Variants in CREB5 observed in about 807,000 individuals in gnomAD.
CREB5 encodes cAMP responsive element binding protein 5.
Under a neutral mutation model 57.1 loss-of-function variants are expected in CREB5, and 19 were observed. The observed-to-expected ratio is 0.33, with a 90% CI of 0.23 to 0.49. The LOEUF is 0.49. Among genes scored for constraint, CREB5 ranks in the 20% least tolerant of loss-of-function variants. The pLI, the probability that CREB5 is intolerant of heterozygous loss-of-function variation, is 0.99. For missense variants in CREB5, 579 were observed against 671.6 expected (o/e 0.86, Z 1.52); for synonymous variants, 238 against 238.3 (o/e 1.00, Z 0.01).
At chr7:28,655,268 CT>C (rs1424580533) in intron 5 of CREB5, among the ~76,000 whole-genome samples, 2 of 152,112 alleles carry the variant, frequency 1.3e-5, no homozygotes, top group Admixed American at 1.3e-4. Context: ...TTGTATTACT[CT>C]TTAAACGTTT....
At chr7:28,445,698 C>A (rs968285697) in intron 1 of CREB5, among the ~76,000 whole-genome samples, 3 of 151,980 alleles carry the variant, frequency 2.0e-5, no homozygotes, top group African/African-American at 7.3e-5. Flanking sequence ...ACTACAGGCG[C>A]CCGCCACCAC....
intron 5 of CREB5, chr7:28,685,837 ACG>A (rs1800864600): frequency 3.3e-6 from 1 of 306,724 alleles, no homozygotes; most frequent in African/African-American, 2.2e-5. Context: ...CAAGTGCACC[ACG>A]AAGGCTCTCC....
chr7:28,545,674 A>G (rs1411261834), intron 4 of CREB5, among the ~76,000 whole-genome samples: 1 of 152,202 alleles, frequency 6.6e-6, no homozygotes, highest in Non-Finnish European at 1.5e-5. Context: ...GAGTTGAATT[A>G]ATTAACACTA....
intron 1 of CREB5, among the ~76,000 whole-genome samples, chr7:28,480,459 G>A (rs75332111): frequency 9.3e-4 from 141 of 152,282 alleles, no homozygotes; most frequent in African/African-American, 2.8e-3. Flanking sequence ...AGAGATGACA[G>A]GGTCGACCTA....
intron 1 of CREB5, among the ~76,000 whole-genome samples, chr7:28,482,800 T>C (rs780722365): frequency 8.6e-4 from 131 of 152,250 alleles, no homozygotes; most frequent in Admixed American, 9.2e-4. Flanking sequence ...TGCTCACTGA[T>C]ACTCATGATT....
chr7:28,377,687 G>A (rs906243797), intron 1 of CREB5, among the ~76,000 whole-genome samples: 2 of 151,768 alleles, frequency 1.3e-5, no homozygotes, highest in African/African-American at 2.4e-5. Flanking sequence ...GCTGAATACC[G>A]TAAGCTGAAG....
intron 1 of CREB5, among the ~76,000 whole-genome samples, chr7:28,482,408 G>A (rs541545316): frequency 3.4e-4 from 52 of 152,266 alleles, no homozygotes; most frequent in South Asian, 1.0e-3. Flanking sequence ...TCAGAAACAC[G>A]AAGTGCAAAT....
upstream of CREB5, among the ~76,000 whole-genome samples, chr7:28,407,652 A>C (rs540115310): frequency 2.0e-5 from 3 of 152,382 alleles, no homozygotes; most frequent in African/African-American, 7.2e-5. Context: ...TTCTACAATA[A>C]GTAGAAAACT....
intron 4 of CREB5, among the ~76,000 whole-genome samples, chr7:28,560,921 T>TGTGCGCGC (rs1795180804): frequency 2.5e-5 from 1 of 40,568 alleles, no homozygotes; most frequent in African/African-American, 1.2e-4. Context: ...TGTGCGTGTG[T>TGTGCGCGC]GCGCGTGCGT....
chr7:28,686,007 C>T (rs1022885742), intron 5 of CREB5: 19 of 805,882 alleles, frequency 2.4e-5, no homozygotes, highest in Non-Finnish European at 2.6e-5. Context: ...AGAGCCCAGC[C>T]GGAGGGAGAG....
intron 1 of CREB5, among the ~76,000 whole-genome samples, chr7:28,312,358 T>C (rs1785295178): frequency 1.3e-5 from 2 of 152,156 alleles, no homozygotes; most frequent in Admixed American, 6.5e-5. Context: ...GAAATACCCA[T>C]GATACCTACT....
intron 4 of CREB5, among the ~76,000 whole-genome samples, chr7:28,533,941 A>G (rs1400925359): frequency 6.6e-6 from 1 of 152,056 alleles, no homozygotes; most frequent in Non-Finnish European, 1.5e-5. Flanking sequence ...CATATGCAGG[A>G]CTCCAACATT....
intron 3 of CREB5, among the ~76,000 whole-genome samples, chr7:28,496,107 G>T (rs1430204346): frequency 6.6e-6 from 1 of 152,164 alleles, no homozygotes; most frequent in Non-Finnish European, 1.5e-5. Flanking sequence ...GATTGTGTCT[G>T]CCAAGCCTGT....
intron 1 of CREB5, among the ~76,000 whole-genome samples, chr7:28,377,825 G>T (rs976866496): frequency 6.6e-6 from 1 of 151,342 alleles, no homozygotes; most frequent in African/African-American, 2.4e-5. Context: ...CCAGCTACTC[G>T]GGAGGCTGAG....
At chr7:28,365,613 CT>C (rs1240230429) in intron 1 of CREB5, among the ~76,000 whole-genome samples, 2 of 152,252 alleles carry the variant, frequency 1.3e-5, no homozygotes, top group East Asian at 1.9e-4. Context: ...CTTGCAGTCC[CT>C]ACTTCTTCAC....
intron 7 of CREB5, among the ~76,000 whole-genome samples, chr7:28,802,620 T>G (rs1808440335): frequency 6.6e-6 from 1 of 152,252 alleles, no homozygotes; most frequent in African/African-American, 2.4e-5. Context: ...GCATAAGATA[T>G]ATTTCCAACG....
chr7:28,814,458 T>G (rs1809304088), intron 9 of CREB5, among the ~76,000 whole-genome samples: 1 of 152,238 alleles, frequency 6.6e-6, no homozygotes, highest in Non-Finnish European at 1.5e-5. Flanking sequence ...TAAATGTTGC[T>G]TTGGAATCTG....
At chr7:28,564,978 G>T (rs1301992734) in intron 4 of CREB5, among the ~76,000 whole-genome samples, 1 of 152,178 alleles carries the variant, frequency 6.6e-6, no homozygotes, top group African/African-American at 2.4e-5. Flanking sequence ...AGACCATGTG[G>T]TCCAGCCCCC....
At chr7:28,365,342 A>G (rs1786564874) in intron 1 of CREB5, among the ~76,000 whole-genome samples, 2 of 152,056 alleles carry the variant, frequency 1.3e-5, no homozygotes, top group South Asian at 2.1e-4. Context: ...TCTTACTACA[A>G]TGGAAGGTAT....
Sources: gnomAD v4.1 joint callset for allele counts (sites outside exome capture counted in the v4.1 genomes callset) on GRCh38, gnomAD v4.1.1 for gene constraint, MANE v1.5 for transcripts, NCBI Gene and HGNC (gene_info 2026-07-23, HGNC 2026-07-21) for gene names.